PXDNL: variants seen among roughly 807,000 people sequenced by gnomAD.
PXDNL encodes peroxidasin like.
Under a neutral mutation model 150.8 loss-of-function variants are expected in PXDNL, and 145 were observed. That is an observed-to-expected ratio of 0.96 (90% confidence interval 0.84 to 1.10). The LOEUF (loss-of-function observed/expected upper bound fraction) is 1.10. Ranked by LOEUF, PXDNL falls within the 50% of genes least tolerant of loss-of-function variation. The pLI, the probability that PXDNL is intolerant of heterozygous loss-of-function variation, is 0.00. For missense variants in PXDNL, 2,087 were observed against 1,873.9 expected (o/e 1.11, Z -2.10); for synonymous variants, 757 against 725.7 (o/e 1.04, Z -0.69).
At chr8:51,732,911 AG>A (rs1241468007) in intron 1 of PXDNL, among the ~76,000 whole-genome samples, 2 of 152,234 alleles carry the variant, frequency 1.3e-5, no homozygotes, top group African/African-American at 4.8e-5. Context: ...CTACAATTCA[AG>A]ATGAGATTTG....
At chr8:51,390,818 A>T (rs905432277) in intron 17 of PXDNL, among the ~76,000 whole-genome samples, 1 of 151,970 alleles carries the variant, frequency 6.6e-6, no homozygotes, top group African/African-American at 2.4e-5. Context: ...ATATGTATAC[A>T]TGTGCCATGC....
chr8:51,675,176 G>A (rs1349034723), intron 1 of PXDNL, among the ~76,000 whole-genome samples: 3 of 152,034 alleles, frequency 2.0e-5, no homozygotes, highest in African/African-American at 7.2e-5. Flanking sequence ...CCCTTTTCGA[G>A]GTCTGAATGT....
At chr8:51,521,015 T>C (rs902468270) in intron 4 of PXDNL, among the ~76,000 whole-genome samples, 4 of 152,044 alleles carry the variant, frequency 2.6e-5, no homozygotes, top group African/African-American at 9.7e-5. Context: ...GGAGGATTGC[T>C]AGACGCCAGG....
intron 1 of PXDNL, among the ~76,000 whole-genome samples, chr8:51,731,208 T>C (rs1816918570): frequency 6.6e-6 from 1 of 152,200 alleles, no homozygotes; most frequent in South Asian, 2.1e-4. Flanking sequence ...ACTTCCTAGA[T>C]ACAATGGGGG....
chr8:51,726,940 C>T (rs1253931754), intron 1 of PXDNL, among the ~76,000 whole-genome samples: 1 of 152,206 alleles, frequency 6.6e-6, no homozygotes, highest in Non-Finnish European at 1.5e-5. Flanking sequence ...CAACCCTTTT[C>T]CTCCAGTTCA....
intron 1 of PXDNL, among the ~76,000 whole-genome samples, chr8:51,799,837 T>C (rs1563324811): frequency 6.6e-6 from 1 of 152,080 alleles, no homozygotes; most frequent in Non-Finnish European, 1.5e-5. Flanking sequence ...GAGATCTTTG[T>C]AAGTTTCTCC....
At chr8:51,735,616 G>A (rs1190887719) in intron 1 of PXDNL, among the ~76,000 whole-genome samples, 118 of 122,078 alleles carry the variant, frequency 9.7e-4, no homozygotes, top group African/African-American at 3.5e-3. Context: ...GCGGGATCTC[G>A]GCTCACTGCA....
At chr8:51,502,050 C>T (rs1811196679) in intron 4 of PXDNL, among the ~76,000 whole-genome samples, 1 of 152,014 alleles carries the variant, frequency 6.6e-6, no homozygotes, top group South Asian at 2.1e-4. Context: ...CTGATGAGGG[C>T]ATCAAACTTA....
At chr8:51,469,657 G>A (rs7841317) in intron 8 of PXDNL, among the ~76,000 whole-genome samples, 23,836 of 151,884 alleles carry the variant, frequency 0.16, 2,038 homozygotes, top group African/African-American at 0.2. Context: ...AGGAAACATG[G>A]GTAGCTTCTG....
chr8:51,749,395 G>T (rs1184323464), intron 1 of PXDNL, among the ~76,000 whole-genome samples: 1 of 152,100 alleles, frequency 6.6e-6, no homozygotes, highest in African/African-American at 2.4e-5. Flanking sequence ...TAGGCTATAT[G>T]GTATACCCAT....
chr8:51,592,773 G>C (rs760270203), intron 2 of PXDNL, 75 bp from the exon 3 acceptor site: 271 of 1,075,488 alleles, frequency 2.5e-4, no homozygotes, highest in Admixed American at 3.4e-4. Context: ...GTTCTGCTAA[G>C]TATAGTGCTT....
chr8:51,681,662 G>A (rs1008870666), intron 1 of PXDNL, among the ~76,000 whole-genome samples: 1 of 152,230 alleles, frequency 6.6e-6, no homozygotes, highest in Admixed American at 6.5e-5. Flanking sequence ...CAACAATATT[G>A]TTATGAGGTT....
chr8:51,429,245 G>A (rs1809190336), intron 12 of PXDNL, among the ~76,000 whole-genome samples: 2 of 152,156 alleles, frequency 1.3e-5, no homozygotes, highest in Non-Finnish European at 2.9e-5. Context: ...ATGTAAGATG[G>A]TACAGACACT....
chr8:51,756,324 A>G (rs1295443167), intron 1 of PXDNL, among the ~76,000 whole-genome samples: 1 of 151,686 alleles, frequency 6.6e-6, no homozygotes, highest in African/African-American at 2.4e-5. Flanking sequence ...CTCAGCAGGC[A>G]GAAGTTGCAG....
At chr8:51,781,209 C>T (rs964565186) in intron 1 of PXDNL, among the ~76,000 whole-genome samples, 4 of 152,138 alleles carry the variant, frequency 2.6e-5, no homozygotes, top group African/African-American at 7.2e-5. Context: ...AATCAGAAGG[C>T]TGTTTCCTTT....
At chr8:51,639,942 CA>C (rs1477297254) in intron 2 of PXDNL, among the ~76,000 whole-genome samples, 1 of 151,968 alleles carries the variant, frequency 6.6e-6, no homozygotes, top group Non-Finnish European at 1.5e-5. Context: ...AACATTGACG[CA>C]AAAATCCTCA....
At chr8:51,744,082 G>GAAGGAAGA (rs2036942491) in intron 1 of PXDNL, among the ~76,000 whole-genome samples, 3 of 95,970 alleles carry the variant, frequency 3.1e-5, no homozygotes, top group African/African-American at 4.6e-5. Context: ...AGGAAGGAAG[G>GAAGGAAGA]AAGGAAGGAA....
At chr8:51,523,370 G>T (rs1811701164) in intron 4 of PXDNL, among the ~76,000 whole-genome samples, 1 of 152,196 alleles carries the variant, frequency 6.6e-6, no homozygotes, top group African/African-American at 2.4e-5. Context: ...TATGCAAGTT[G>T]TGTATCCCAT....
chr8:51,450,649 G>A (rs1809786320), intron 10 of PXDNL, among the ~76,000 whole-genome samples: 1 of 152,104 alleles, frequency 6.6e-6, no homozygotes, highest in Non-Finnish European at 1.5e-5. Context: ...GTAAGGTGCT[G>A]GACTAAATAT....
Sources: allele counts gnomAD v4.1 joint callset (sites outside exome capture counted in the v4.1 genomes callset), GRCh38; gene constraint gnomAD v4.1.1; transcripts MANE v1.5; gene names NCBI Gene and HGNC (gene_info 2026-07-23, HGNC 2026-07-21).